PPARGC1A: variants seen among roughly 807,000 people sequenced by gnomAD.
The protein encoded by PPARGC1A is PPARG coactivator 1 alpha.
In PPARGC1A, 25 loss-of-function variants were observed where a neutral mutation model predicts 88.7. The ratio of observed to expected loss-of-function variants is 0.28; its 90% CI spans 0.21 to 0.39. The LOEUF is 0.39. Ranked by LOEUF, PPARGC1A falls within the 10% of genes least tolerant of loss-of-function variation. The probability of loss-of-function intolerance (pLI) is 1.00; values close to 1 mark genes in which losing one functional copy is unlikely to be tolerated. For missense variants in PPARGC1A, 880 were observed against 968.7 expected (o/e 0.91, Z 1.22); for synonymous variants, 363 against 355.6 (o/e 1.02, Z -0.24).
At chr4:23,837,431 A>C (rs73243614) in intron 2 of PPARGC1A, among the ~76,000 whole-genome samples, 1 of 151,472 alleles carries the variant, frequency 6.6e-6, no homozygotes, top group Non-Finnish European at 1.5e-5. Flanking sequence ...AGAATTCTTC[A>C]AGAAGGTGTT....
the PPARGC1A span, among the ~76,000 whole-genome samples, chr4:24,082,170 C>T: frequency 3.9e-5 from 6 of 152,210 alleles, no homozygotes; most frequent in African/African-American, 4.8e-5. Flanking sequence ...AAAGCCCTTG[C>T]GGCAGCAAAC....
chr4:24,075,664 C>T, the PPARGC1A span, among the ~76,000 whole-genome samples: 1 of 152,096 alleles, frequency 6.6e-6, no homozygotes, highest in African/African-American at 2.4e-5. Flanking sequence ...TAGTAAGTCT[C>T]ATGAGATCTG....
the PPARGC1A span, among the ~76,000 whole-genome samples, chr4:24,165,513 A>AT: frequency 4.1e-4 from 62 of 152,090 alleles, no homozygotes; most frequent in Admixed American, 1.9e-3. Flanking sequence ...AGATAATGCA[A>AT]TTTTTTTTAC....
chr4:23,952,639 A>T, the PPARGC1A span, among the ~76,000 whole-genome samples: 1 of 152,078 alleles, frequency 6.6e-6, no homozygotes, highest in African/African-American at 2.4e-5. Flanking sequence ...CGAAACTTGT[A>T]TGATTAAATT....
chr4:24,461,611 G>A, the PPARGC1A span, among the ~76,000 whole-genome samples: 4 of 115,106 alleles, frequency 3.5e-5, no homozygotes, highest in African/African-American at 3.9e-5. Flanking sequence ...CGTGTCTATC[G>A]TGTGTGTGTG....
At chr4:24,094,709 T>A in the PPARGC1A span, among the ~76,000 whole-genome samples, 1 of 152,094 alleles carries the variant, frequency 6.6e-6, no homozygotes, top group African/African-American at 2.4e-5. Flanking sequence ...AAAGTACGTG[T>A]CTCCAAATTG....
chr4:23,824,275 C>G lies in PPARGC1A; in HGVS notation c.877+5G>C, dbSNP rs375335434. On this transcript the variant is annotated splice_donor_5th_base_variant and intron_variant, in intron 7 of 12. Transcript: ENST00000264867. ...CACAAGTTCTAAGTGAAATATAAGG[C>G]TTACCTGCAGTTCCAGAGAGTTCCA... The G allele has an allele frequency of 3.1e-6, 5 of 1,610,922 alleles. No homozygotes were observed. The African/African-American group carries it at 5.4e-5, about 17-fold the overall frequency.
At chr4:24,157,687 C>T in the PPARGC1A span, among the ~76,000 whole-genome samples, 1 of 152,092 alleles carries the variant, frequency 6.6e-6, no homozygotes, top group Non-Finnish European at 1.5e-5. Flanking sequence ...CTCTTTCCTT[C>T]ACCCTCCCAA....
chr4:24,374,097 C>T, the PPARGC1A span, among the ~76,000 whole-genome samples: 25,606 of 152,150 alleles, frequency 0.17, 2,288 homozygotes, highest in Non-Finnish European at 0.19. Flanking sequence ...TCCCAGATAT[C>T]AGAGTTAAAA....
At chr4:24,451,014 AT>A in the PPARGC1A span, among the ~76,000 whole-genome samples, 1 of 152,254 alleles carries the variant, frequency 6.6e-6, no homozygotes, top group African/African-American at 2.4e-5. Context: ...ACTACAGGGA[AT>A]TTGATTAGAA....
the PPARGC1A span, among the ~76,000 whole-genome samples, chr4:24,235,837 G>T: frequency 1.3e-5 from 2 of 152,116 alleles, no homozygotes; most frequent in Non-Finnish European, 2.9e-5. Context: ...ATCAGAGGAG[G>T]TGACTCAGCT....
intron 1 of PPARGC1A, among the ~76,000 whole-genome samples, chr4:23,895,421 A>G (rs1292426796): frequency 3.3e-5 from 5 of 150,046 alleles, no homozygotes; most frequent in Non-Finnish European, 5.9e-5. Context: ...CAGTGCTTTG[A>G]TATTTGAATT....
At chr4:24,078,361 G>T in the PPARGC1A span, among the ~76,000 whole-genome samples, 2 of 152,138 alleles carry the variant, frequency 1.3e-5, no homozygotes, top group African/African-American at 4.8e-5. Context: ...CATAAGGCAA[G>T]TTGTTGGCAC....
At chr4:24,328,119 T>G in the PPARGC1A span, among the ~76,000 whole-genome samples, 26 of 152,030 alleles carry the variant, frequency 1.7e-4, no homozygotes, top group South Asian at 4.2e-4. Context: ...GACTCTCTTT[T>G]CAGACTCAGC....
chr4:23,880,321 T>G (rs1715670726), intron 2 of PPARGC1A, among the ~76,000 whole-genome samples: 1 of 152,230 alleles, frequency 6.6e-6, no homozygotes, highest in Non-Finnish European at 1.5e-5. Flanking sequence ...GGCCTTCTTT[T>G]GTGCTTTGTA....
At chr4:23,825,839 T>C (rs1358974311) in intron 5 of PPARGC1A, among the ~76,000 whole-genome samples, 2 of 152,166 alleles carry the variant, frequency 1.3e-5, no homozygotes, top group Non-Finnish European at 2.9e-5. Flanking sequence ...CACAGATAAA[T>C]GAGCTGATTT....
At chr4:23,868,625 C>G (rs57260240) in intron 2 of PPARGC1A, among the ~76,000 whole-genome samples, 2,294 of 152,300 alleles carry the variant, frequency 0.015, 30 homozygotes, top group South Asian at 0.024. Context: ...AGCTGAACCA[C>G]AATTCGAAGG....
chr4:24,341,154 T>C, the PPARGC1A span, among the ~76,000 whole-genome samples: 1 of 151,586 alleles, frequency 6.6e-6, no homozygotes, highest in African/African-American at 2.4e-5. Flanking sequence ...TTTGGAAGCT[T>C]TTCAAATATA....
chr4:24,444,041 A>G, the PPARGC1A span, among the ~76,000 whole-genome samples: 2 of 150,932 alleles, frequency 1.3e-5, no homozygotes, highest in African/African-American at 2.5e-5. Flanking sequence ...TGTTGTTGTT[A>G]TTGTTGTTGT....
Sources: gnomAD v4.1 joint callset for allele counts (sites outside exome capture counted in the v4.1 genomes callset) on GRCh38, gnomAD v4.1.1 for gene constraint, MANE v1.5 for transcripts, NCBI Gene and HGNC (gene_info 2026-07-23, HGNC 2026-07-21) for gene names.